The following PELI2 variants were observed in gnomAD, a reference collection of about 807,000 sequenced individuals.
The protein encoded by PELI2 is E3 ubiquitin-protein ligase pellino homolog 2.
PELI2 carries 23 observed loss-of-function variants against 42.3 expected under a neutral mutation model. The observed-to-expected ratio is 0.54, with a 90% confidence interval of 0.39 to 0.77. The LOEUF is 0.77. PELI2 is among the 30% of genes least tolerant of loss of function. The pLI is 0.00. For synonymous variants in PELI2, 245 were observed against 212.2 expected (o/e 1.15, Z -1.34); for missense variants, 463 against 553.2 (o/e 0.84, Z 1.64).
At chr14:56,209,408 G>A (rs996445389) in intron 2 of PELI2, among the ~76,000 whole-genome samples, 1 of 152,196 alleles carries the variant, frequency 6.6e-6, no homozygotes, top group African/African-American at 2.4e-5. Flanking sequence ...CAATCGATGT[G>A]TTGCAACAGA....
chr14:56,127,658 A>G (rs1566595362), intron 1 of PELI2, among the ~76,000 whole-genome samples: 1 of 152,236 alleles, frequency 6.6e-6, no homozygotes, highest in Non-Finnish European at 1.5e-5. Context: ...TGGGAGAGCT[A>G]CAGGCCTAGA....
At chr14:56,223,003 TGA>T (rs1887205182) in intron 2 of PELI2, among the ~76,000 whole-genome samples, 1 of 152,132 alleles carries the variant, frequency 6.6e-6, no homozygotes, top group South Asian at 2.1e-4. Context: ...GGACATTATT[TGA>T]GAATTGGGAA....
At chr14:56,151,350 A>G (rs1351528899) in intron 1 of PELI2, among the ~76,000 whole-genome samples, 2 of 152,142 alleles carry the variant, frequency 1.3e-5, no homozygotes, top group African/African-American at 4.8e-5. Context: ...TCTTTACCCC[A>G]TGCTTACTGC....
chr14:56,152,460 A>C (rs562355935), intron 1 of PELI2, among the ~76,000 whole-genome samples: 1 of 152,154 alleles, frequency 6.6e-6, no homozygotes, highest in African/African-American at 2.4e-5. Context: ...GACAATTAAC[A>C]GTCTGTTTAT....
Position 56,296,932 on chromosome 14 carries a change from C to A in PELI2, c.1029C>A (p.Pro343=), listed in dbSNP as rs1215699108. 1.2e-6 allele frequency: 2 copies of A among 1,614,148 alleles called. No individual in the cohort carries two copies. The highest frequency in any genetic ancestry group is 3.3e-5 in the Admixed American group (2 of 60,012). ...GTCCCATGTGCAGGACTGTGGGCCC[C>A]TATGTGCCTCTCTGGCTTGGCTGTG... ...RECPMCRTVG[P]YVPLWLGCEA... Residue 343 remains proline (P), a synonymous_variant, in exon 6 of 6, where the codon CCC becomes CCA. Coordinates refer to ENST00000267460, the MANE Select transcript of PELI2 (RefSeq NM_021255.3).
intron 1 of PELI2, among the ~76,000 whole-genome samples, chr14:56,172,535 C>T (rs1370733147): frequency 3.9e-5 from 6 of 152,152 alleles, no homozygotes; most frequent in Non-Finnish European, 7.3e-5. Flanking sequence ...AGGAGAGCGG[C>T]TGGGAGACTC....
At chr14:56,144,022 ACAT>A (rs1176645856) in intron 1 of PELI2, among the ~76,000 whole-genome samples, 2 of 152,202 alleles carry the variant, frequency 1.3e-5, no homozygotes, top group Non-Finnish European at 1.5e-5. Flanking sequence ...GCTTGTATAT[ACAT>A]CTATATTTAT....
intron 1 of PELI2, among the ~76,000 whole-genome samples, chr14:56,159,682 A>G (rs780197538): frequency 6.6e-6 from 1 of 152,220 alleles, no homozygotes; most frequent in Non-Finnish European, 1.5e-5. Flanking sequence ...ATTATTTGAC[A>G]TAAAGAACTA....
chr14:56,249,363 G>C (rs1051143607), intron 2 of PELI2, among the ~76,000 whole-genome samples: 2 of 152,024 alleles, frequency 1.3e-5, no homozygotes, highest in African/African-American at 4.8e-5. Flanking sequence ...TCACATTGTT[G>C]GTTATTCTTA....
chr14:56,274,827 A>G (rs1472054919), intron 2 of PELI2, among the ~76,000 whole-genome samples: 1 of 152,242 alleles, frequency 6.6e-6, no homozygotes, highest in Non-Finnish European at 1.5e-5. Context: ...ATTGCAAAGT[A>G]AGGCTTAATT....
intron 2 of PELI2, among the ~76,000 whole-genome samples, chr14:56,243,251 A>G (rs1306284504): frequency 1.3e-5 from 2 of 152,194 alleles, no homozygotes; most frequent in Non-Finnish European, 2.9e-5. Flanking sequence ...AAGATGCAGA[A>G]TGGCAGCCAT....
At chr14:56,186,503 T>C (rs1885774426) in intron 2 of PELI2, among the ~76,000 whole-genome samples, 1 of 152,232 alleles carries the variant, frequency 6.6e-6, no homozygotes, top group Non-Finnish European at 1.5e-5. Flanking sequence ...TAATTTGTTA[T>C]AACCACAAGA....
chr14:56,156,216 T>G (rs1884560395), intron 1 of PELI2, among the ~76,000 whole-genome samples: 1 of 152,190 alleles, frequency 6.6e-6, no homozygotes, highest in Non-Finnish European at 1.5e-5. Context: ...AGATTGAGTT[T>G]TTATAGGTGA....
rs4038318 is a variant in PELI2, at chr14:56,197,969, GACACACACACACACAC to G, written c.207+19534_207+19549del. On this transcript the variant is annotated intron_variant, in intron 2 of 5. Coordinates refer to ENST00000267460, the MANE Select transcript of PELI2 (RefSeq NM_021255.3). The surrounding 1 kb of genome is among the most constrained non-coding windows in gnomAD (Gnocchi z 4.9). ...CACACCAGGGATCATGACTGGTGAA[GACACACACACACACAC>G]ACACACACACACACACACACACACA... Among the ~76,000 whole-genome samples, 20 of 129,768 alleles carry G rather than the reference GACACACACACACACAC, an allele frequency of 1.5e-4. No homozygotes were observed. The highest frequency in any genetic ancestry group is 5.3e-4 in the South Asian group (2 of 3,786). 85.1% of individuals were successfully genotyped at this position (129,768 alleles called of 152,430 possible). A position where few individuals can be genotyped will look rare whatever the true frequency, so the allele number is the denominator to read the frequency against.
At position 56,129,869 on chromosome 14, in the gene PELI2, A is replaced by T. The variant is rs530353725; in HGVS notation, c.77+11132A>T. ...ATTGCTGGAGAAAAGAGCAGAGCAG[A>T]TTTCTGGCCTTGCAGTGTTTGCTGC... is the stretch of plus-strand genomic sequence containing the variant. On this transcript the variant is annotated intron_variant, in intron 1 of 5. Coordinates refer to ENST00000267460, the MANE Select transcript of PELI2 (RefSeq NM_021255.3). Among the ~76,000 whole-genome samples, 5 of 152,248 alleles carry T rather than the reference A, an allele frequency of 3.3e-5. No homozygotes were observed. In the South Asian group the frequency reaches 1.0e-3, roughly 32 times the overall value.
intron 2 of PELI2, among the ~76,000 whole-genome samples, chr14:56,191,319 A>G (rs1885941757): frequency 6.6e-6 from 1 of 152,236 alleles, no homozygotes; most frequent in Non-Finnish European, 1.5e-5. Context: ...CCAGAGACAG[A>G]TGGAAGTTTT....
At chr14:56,234,397 T>C (rs1410152793) in intron 2 of PELI2, among the ~76,000 whole-genome samples, 1 of 152,188 alleles carries the variant, frequency 6.6e-6, no homozygotes, top group Non-Finnish European at 1.5e-5. Flanking sequence ...GTGGTACATA[T>C]ACACCATGGA....
chr14:56,192,218 A>G (rs1328586460), intron 2 of PELI2, among the ~76,000 whole-genome samples: 2 of 152,240 alleles, frequency 1.3e-5, no homozygotes, highest in Admixed American at 1.3e-4. Flanking sequence ...TAAAGTTTTT[A>G]GCACCAATTT....
rs531225569 is a variant in PELI2, at chr14:56,167,069, G to A, written c.78-11266G>A. On this transcript the variant is annotated intron_variant, in intron 1 of 5. Coordinates refer to ENST00000267460, the MANE Select transcript of PELI2 (RefSeq NM_021255.3). ...CTCCCAAAATGCTGGGATTACAGGC[G>A]TGAGCCACCGCGCCTGGCCTAGGAT... Among the ~76,000 whole-genome samples, 11 of 152,272 alleles carry A rather than the reference G, an allele frequency of 7.2e-5. No individual in the cohort carries two copies. The South Asian group carries it at 1.0e-3, about 14-fold the overall frequency.
Sources: allele counts gnomAD v4.1 joint callset (sites outside exome capture counted in the v4.1 genomes callset), GRCh38; gene constraint gnomAD v4.1.1; non-coding constraint Gnocchi (gnomAD v3.1); transcripts MANE v1.5; gene names NCBI Gene and HGNC (gene_info 2026-07-23, HGNC 2026-07-21).